The following ZNF462 variants were observed in gnomAD, a reference collection of about 807,000 sequenced individuals.
ZNF462 encodes zinc finger PBX1-interacting protein.
In ZNF462, 10 loss-of-function variants were observed where a neutral mutation model predicts 201.9. The observed-to-expected ratio is 0.05, with a 90% CI of 0.03 to 0.08. The LOEUF is 0.08. Among genes scored for constraint, ZNF462 ranks in the 10% least tolerant of loss-of-function variants. ZNF462 has a pLI of 1.00. For synonymous variants in ZNF462, 1,227 were observed against 1,193.3 expected, an observed-to-expected ratio of 1.03 and a Z score of -0.58; for missense variants, 2,523 against 3,168.3, an observed-to-expected ratio of 0.80 and a Z score of 4.89.
chr9:106,873,073 C>A (rs1428002289), intron 1 of ZNF462, among the ~76,000 whole-genome samples: 2 of 152,054 alleles, frequency 1.3e-5, no homozygotes, highest in African/African-American at 4.8e-5. Context: ...TGGGACCCGG[C>A]CTTGGTTATT....
chr9:106,957,835 A>G (rs1365927465), intron 7 of ZNF462, among the ~76,000 whole-genome samples: 1 of 152,110 alleles, frequency 6.6e-6, no homozygotes, highest in Non-Finnish European at 1.5e-5. Flanking sequence ...ATGATTACAC[A>G]CTGTGGTTTG....
intron 7 of ZNF462, among the ~76,000 whole-genome samples, chr9:106,958,004 C>T (rs1273766380): frequency 6.6e-6 from 1 of 152,056 alleles, no homozygotes; most frequent in African/African-American, 2.4e-5. Context: ...GTACTGAGTT[C>T]AATAGAAACA....
intron 1 of ZNF462, among the ~76,000 whole-genome samples, chr9:106,918,739 AT>A: frequency 6.6e-6 from 1 of 152,282 alleles, no homozygotes; most frequent in Admixed American, 6.5e-5. Context: ...CTGCAAATAC[AT>A]TTTTTAGAAT....
intron 1 of ZNF462, among the ~76,000 whole-genome samples, chr9:106,918,022 C>T (rs1468158239): frequency 6.6e-6 from 1 of 151,710 alleles, no homozygotes; most frequent in Non-Finnish European, 1.5e-5. Flanking sequence ...ATTACAGGTG[C>T]CCACCACCAC....
At position 106,935,588 on chromosome 9, in the gene ZNF462, C is replaced by T. The variant is rs771674397; in HGVS notation, c.6202C>T (p.Arg2068Trp). 6.2e-6 allele frequency: 10 copies of T among 1,613,986 alleles called. No individual in the cohort carries two copies. Among genetic ancestry groups the T allele is most frequent in the East Asian group, 2.2e-5 (1 of 44,866 alleles). Residue 2068 changes from arginine to tryptophan, a missense_variant, in exon 6 of 13, where the codon CGG (arginine) becomes TGG (tryptophan). Coordinates refer to ENST00000277225, the MANE Select transcript of ZNF462 (RefSeq NM_021224.6). The surrounding 1 kb of genome is among the most constrained non-coding windows in gnomAD (Gnocchi z 4.1). ...LCSFKSSYNSRLKTHILKAHA... is the reference protein window; with the variant it reads ...LCSFKSSYNSWLKTHILKAHA... ...CTCCTTCAAGTCCTCCTATAACAGCCGGCTGAAAACACATATACTCAAAGC... is the reference window on the plus strand; with the variant it reads ...CTCCTTCAAGTCCTCCTATAACAGCTGGCTGAAAACACATATACTCAAAGC...
rs534767709 is a variant in ZNF462 at position 106,895,452 on chromosome 9, T to C, written c.-30-27902T>C. On this transcript the variant is annotated intron_variant, in intron 1 of 12. Coordinates refer to ENST00000277225, the MANE Select transcript of ZNF462 (RefSeq NM_021224.6). This position sits in a 1 kb window ranked among gnomAD's most constrained non-coding sequence, Gnocchi z 4.4. ...CCATCTCAGCAGCTGCTTAGCAGCC[T>C]GTTTCCCACCATCCTCTTCACCTCT... Among the ~76,000 whole-genome samples the C allele has an allele frequency of 6.6e-5, 10 of 152,302 alleles. No homozygotes were observed. The highest frequency in any genetic ancestry group is 5.2e-4 in the Admixed American group (8 of 15,300).
chr9:107,000,812 G>C (rs1588193287), intron 10 of ZNF462, among the ~76,000 whole-genome samples: 1 of 152,198 alleles, frequency 6.6e-6, no homozygotes, highest in East Asian at 1.9e-4. Context: ...AAAAAACCCA[G>C]AATGAGGGGG....
At chr9:106,936,298 T>A (rs549763623) in intron 6 of ZNF462, among the ~76,000 whole-genome samples, 4 of 152,366 alleles carry the variant, frequency 2.6e-5, no homozygotes, top group East Asian at 1.9e-4. Context: ...ATGCATCATC[T>A]TCTTTAGTCC....
intron 1 of ZNF462, among the ~76,000 whole-genome samples, chr9:106,882,282 C>A (rs2130947494): frequency 6.6e-6 from 1 of 152,194 alleles, no homozygotes; most frequent in East Asian, 1.9e-4. Context: ...AACAGATGTA[C>A]ACAGTCAAAA....
Position 106,925,149 on chromosome 9 carries a change from G to A in ZNF462, c.1237G>A (p.Ala413Thr). Residue 413 changes from alanine (A) to threonine (T), a missense_variant, in exon 3 of 13, where the codon GCA (alanine) becomes ACA (threonine). Physicochemically the swap from Ala to Thr is moderately conservative, Grantham distance 58. This residue lies in a region of ZNF462 where 480 missense variants were observed against 544.4 expected (regional missense o/e 0.88). Coordinates refer to ENST00000277225, the MANE Select transcript of ZNF462 (RefSeq NM_021224.6). This position sits in a 1 kb window ranked among gnomAD's most constrained non-coding sequence, Gnocchi z 7.9. ...GGATCACCAGACATCAGGCCTGTCT[G>A]CAGAGCAGCTGATGGGCTCAGATGG... is the stretch of plus-strand genomic sequence containing the variant. ...AMDHQTSGLSAEQLMGSDGNK... is the reference protein window; with the variant it reads ...AMDHQTSGLSTEQLMGSDGNK... 1 of 1,614,222 alleles carries A rather than the reference G, an allele frequency of 6.2e-7. No individual in the cohort carries two copies. Among genetic ancestry groups the A allele is most frequent in the Non-Finnish European group, 8.5e-7 (1 of 1,180,040 alleles).
Position 106,984,097 on chromosome 9 carries a change from G to T in ZNF462, c.6833-89G>T. ...CAGATCCACGAGGAGCAGCAAGATTGGGTGAGTTTCTTCTTGTATTCCAAA... is the reference window on the plus strand; with the variant it reads ...CAGATCCACGAGGAGCAGCAAGATTTGGTGAGTTTCTTCTTGTATTCCAAA... On this transcript the variant is annotated intron_variant, in intron 9 of 12. Transcript: ENST00000277225. This position sits in a 1 kb window ranked among gnomAD's most constrained non-coding sequence, Gnocchi z 6.4. 2.4e-6 allele frequency: 3 copies of T among 1,228,320 alleles called. No homozygotes were observed. Among genetic ancestry groups the T allele is most frequent in the South Asian group, 1.4e-5 (1 of 69,794 alleles). 76.1% of individuals were successfully genotyped at this position (1,228,320 alleles called of 1,614,324 possible).
chr9:106,945,197 T>C (rs531648298), intron 7 of ZNF462, among the ~76,000 whole-genome samples: 12 of 152,338 alleles, frequency 7.9e-5, no homozygotes, highest in South Asian at 2.1e-4. Context: ...TAGATTCATA[T>C]ATGAAATGTA....
intron 7 of ZNF462, among the ~76,000 whole-genome samples, chr9:106,957,382 A>G (rs1831628739): frequency 6.6e-6 from 1 of 152,102 alleles, no homozygotes; most frequent in African/African-American, 2.4e-5. Context: ...AAAACAGTTA[A>G]AATATTAACA....
Position 107,003,069 on chromosome 9 carries a change from G to A in ZNF462, c.7057-225G>A, listed in dbSNP as rs1191559424. Among the ~76,000 whole-genome samples, 4 of 152,154 alleles carry A rather than the reference G, an allele frequency of 2.6e-5. No homozygotes were observed. The highest frequency in any genetic ancestry group is 4.8e-5 in the African/African-American group (2 of 41,440). On this transcript the variant is annotated intron_variant, in intron 10 of 12. Transcript: ENST00000277225. This position sits in a 1 kb window ranked among gnomAD's most constrained non-coding sequence, Gnocchi z 4.4. ...TTCACAAGTTTGGTAATGAAGGTCCGGTGTACAAAAGTTCCGGTGAAAATG... is the reference window on the plus strand; with the variant it reads ...TTCACAAGTTTGGTAATGAAGGTCCAGTGTACAAAAGTTCCGGTGAAAATG...
chr9:106,978,893 G>C lies in ZNF462; in HGVS notation c.6832+4620G>C. 3.2e-6 allele frequency: 1 copy of C among 308,560 alleles called. No individual in the cohort carries two copies. The highest frequency in any genetic ancestry group is 3.2e-5 in the South Asian group (1 of 31,628). 19.1% of individuals were successfully genotyped at this position (308,560 alleles called of 1,614,324 possible). On this transcript the variant is annotated intron_variant, in intron 9 of 12. Transcript: ENST00000277225. The surrounding 1 kb of genome is among the most constrained non-coding windows in gnomAD (Gnocchi z 4.1). ...AGTGATGTGGGATCTCATCATATCT[G>C]TCATTATAATTGGTCCTGATGGCTT...
chr9:106,911,424 A>G (rs1829544397), intron 1 of ZNF462, among the ~76,000 whole-genome samples: 1 of 152,106 alleles, frequency 6.6e-6, no homozygotes, highest in Non-Finnish European at 1.5e-5. Context: ...ACAGGAAGGA[A>G]AACTTGAGCT....
Position 106,893,135 on chromosome 9 carries a change from A to G in ZNF462, c.-31+29780A>G, listed in dbSNP as rs146604937. ...CAGACCATGGCTTTCAGTATACATT[A>G]TATAAATGTGTTCTTCACAACACGA... is the stretch of plus-strand genomic sequence containing the variant. On this transcript the variant is annotated intron_variant, in intron 1 of 12. Transcript: ENST00000277225. Among the ~76,000 whole-genome samples, 321 of 152,348 alleles carry G rather than the reference A, an allele frequency of 2.1e-3. 2 individuals are homozygous for G. Among genetic ancestry groups the G allele is most frequent in the African/African-American group, 7.5e-3 (311 of 41,580 alleles).
chr9:106,874,174 A>G (rs1827724536), intron 1 of ZNF462, among the ~76,000 whole-genome samples: 1 of 152,240 alleles, frequency 6.6e-6, no homozygotes, highest in Non-Finnish European at 1.5e-5. Flanking sequence ...AGAGAGTAAA[A>G]TGGAACTGAA....
rs933021236 is a variant in ZNF462, at chr9:106,925,939, C to T, written c.2027C>T (p.Ser676Phe). The T allele has an allele frequency of 1.2e-5, 19 of 1,614,134 alleles. No homozygotes were observed. Among genetic ancestry groups the T allele is most frequent in the Non-Finnish European group, 1.6e-5 (19 of 1,180,024 alleles). The change falls in exon 3 of 13, where the codon TCT becomes TTT. Residue 676 changes from serine (S) to phenylalanine (F), a missense_variant. This residue lies in a region of ZNF462 where 383 missense variants were observed against 453.4 expected (regional missense o/e 0.84). Transcript: ENST00000277225. The surrounding 1 kb of genome is among the most constrained non-coding windows in gnomAD (Gnocchi z 7.9). ...SSKNNFVAKA[S>F]RKLANDFPLD... ...AAGAACAATTTTGTAGCTAAAGCCTCTAGGAAGCTCGCCAATGACTTTCCT... is the reference window on the plus strand; with the variant it reads ...AAGAACAATTTTGTAGCTAAAGCCTTTAGGAAGCTCGCCAATGACTTTCCT...
Sources: allele counts gnomAD v4.1 joint callset (sites outside exome capture counted in the v4.1 genomes callset), GRCh38; gene constraint gnomAD v4.1.1; regional missense constraint gnomAD v4.1.1; non-coding constraint Gnocchi (gnomAD v3.1); transcripts MANE v1.5; gene names NCBI Gene and HGNC (gene_info 2026-07-23, HGNC 2026-07-21).